HAUS7: variants seen among roughly 807,000 people sequenced by gnomAD.
HAUS7 encodes the protein HAUS augmin-like complex subunit 7.
A neutral mutation model predicts 28.4 loss-of-function variants in HAUS7; 3 were observed. The observed-to-expected ratio is 0.11, with a 90% CI of 0.05 to 0.27. The LOEUF (loss-of-function observed/expected upper bound fraction) is 0.27, where lower values mean the gene tolerates loss of function less well. HAUS7 is among the 10% of genes least tolerant of loss of function. HAUS7 has a pLI of 1.00. For synonymous variants in HAUS7, 165 were observed against 132.1 expected, an observed-to-expected ratio of 1.25 and a Z score of -1.71; for missense variants, 284 against 297.3, an observed-to-expected ratio of 0.96 and a Z score of 0.33.
Position 153,449,944 on chromosome X carries a change from T to C in HAUS7, c.1046-2035A>G, listed in dbSNP as rs140259187. Among the ~76,000 whole-genome samples the C allele has an allele frequency of 8.0e-4, 90 of 112,478 alleles. No individual in the cohort carries two copies. In the East Asian group the frequency reaches 0.024, roughly 30 times the overall value. ...CTGGGTTTTCACAGCTGTCCAAGCATGTCTGGATGTCGCACTGAGTGTATT... is the reference window on the plus strand; with the variant it reads ...CTGGGTTTTCACAGCTGTCCAAGCACGTCTGGATGTCGCACTGAGTGTATT... On this transcript the variant is annotated intron_variant, in intron 9 of 9. Coordinates refer to ENST00000370211, the MANE Select transcript of HAUS7 (RefSeq NM_001385482.1).
intron 1 of HAUS7, among the ~76,000 whole-genome samples, chrX:153,489,689 CT>C (rs1556989246): frequency 2.7e-5 from 3 of 112,469 alleles, no homozygotes; most frequent in Non-Finnish European, 1.9e-5. Context: ...GGGCCTGTGT[CT>C]CCGGCCTGAG....
At chrX:153,458,432 C>A (rs1431368541) in intron 4 of HAUS7, among the ~76,000 whole-genome samples, 3 of 113,111 alleles carry the variant, frequency 2.7e-5, no homozygotes, top group African/African-American at 9.6e-5. Flanking sequence ...GAGGATCACG[C>A]GTGTCCCAGC....
chrX:153,458,634 C>T (rs781846376), intron 4 of HAUS7, among the ~76,000 whole-genome samples: 40 of 112,140 alleles, frequency 3.6e-4, no homozygotes, highest in African/African-American at 1.3e-3. Context: ...TGCTGGGTCA[C>T]GGGGTAACTG....
chrX:153,462,186 G>A, intron 4 of HAUS7: 2 of 1,022,829 alleles, frequency 2.0e-6, no homozygotes, highest in South Asian at 5.8e-5. Context: ...GAAACGAGAA[G>A]GTGGGTGCTG....
intron 9 of HAUS7, among the ~76,000 whole-genome samples, chrX:153,449,526 T>C (rs1255577606): frequency 2.7e-5 from 3 of 112,341 alleles, no homozygotes; most frequent in Admixed American, 9.3e-5. Context: ...CATCCCGGCC[T>C]TCCTGCTCTG....
chrX:153,447,773 G>T lies in HAUS7; in HGVS notation c.*105C>A. ...CTAGAGCACAACGTGGGGCTGCAAC[G>T]GCTTCTGCTGCCACAATCATCCATC... On this transcript the variant is annotated 3_prime_UTR_variant, in exon 10 of 10. Transcript: ENST00000370211. The T allele has an allele frequency of 1.5e-6, 1 of 682,126 alleles. No individual in the cohort carries two copies. The highest frequency in any genetic ancestry group is 2.4e-6 in the Non-Finnish European group (1 of 410,535). The allele number at this position is 682,126 out of a possible 1,213,427, so 56.2% of individuals were successfully genotyped here. A position where few individuals can be genotyped will look rare whatever the true frequency, so the allele number is the denominator to read the frequency against.
At chrX:153,474,498 C>G (rs2089549053), upstream of HAUS7, among the ~76,000 whole-genome samples, 2 of 112,071 alleles carry the variant, frequency 1.8e-5, no homozygotes, top group South Asian at 7.3e-4. Flanking sequence ...GGCCTGCGAC[C>G]TAGGGCGACC....
At chrX:153,450,091 C>T (rs1170495508) in intron 9 of HAUS7, among the ~76,000 whole-genome samples, 1 of 112,064 alleles carries the variant, frequency 8.9e-6, no homozygotes, top group Non-Finnish European at 1.9e-5. Flanking sequence ...GCTGCCACTG[C>T]CCCTGGTCTG....
chrX:153,494,710 G>A (rs1556990277), intron 1 of HAUS7, among the ~76,000 whole-genome samples: 1 of 93,267 alleles, frequency 1.1e-5, no homozygotes, highest in African/African-American at 4.1e-5. Context: ...GAGTGTGTCC[G>A]TTCCTTTGCT....
At chrX:153,471,246 T>C, upstream of HAUS7, 1 of 239,031 alleles carries the variant, frequency 4.2e-6, no homozygotes, top group South Asian at 4.4e-5. Context: ...ATGGAGCTAA[T>C]GAGAGCACCT....
upstream of HAUS7, chrX:153,470,927 G>A: frequency 2.9e-6 from 1 of 342,119 alleles, no homozygotes; most frequent in Middle Eastern, 5.0e-4. Context: ...AGGCCTTGCT[G>A]GCGTCGCCCC....
chrX:153,456,744 C>T (rs1280986306), intron 5 of HAUS7, 93 bp from the exon 6 acceptor site: 3 of 692,198 alleles, frequency 4.3e-6, no homozygotes, highest in South Asian at 2.5e-5. Flanking sequence ...AGAAGCACAT[C>T]GGGGCCAGGC....
At position 153,470,017 on chromosome X, in the gene HAUS7, G is replaced by GCTTC. The variant is rs782343218; in HGVS notation, c.108+429_108+432dup. ...GCTCTGTCCTGTGGGGCTGTAGAGGGCTTCTGGAGGCTATCACCCCTGGCA... is the reference window on the plus strand; with the variant it reads ...GCTCTGTCCTGTGGGGCTGTAGAGGGCTTCCTTCTGGAGGCTATCACCCCTGGCA... On this transcript the variant is annotated intron_variant, in intron 1 of 9. Coordinates refer to ENST00000370211, the MANE Select transcript of HAUS7 (RefSeq NM_001385482.1). Among the ~76,000 whole-genome samples, 14 of 111,539 alleles carry GCTTC rather than the reference G, an allele frequency of 1.3e-4. 1 individual carries two copies. Among genetic ancestry groups the GCTTC allele is most frequent in the Admixed American group, 9.4e-4 (10 of 10,606 alleles).
chrX:153,475,284 C>T (rs1225316566), upstream of HAUS7, among the ~76,000 whole-genome samples: 4 of 112,060 alleles, frequency 3.6e-5, no homozygotes, highest in African/African-American at 1.3e-4. Flanking sequence ...CTGCTGCGTG[C>T]CACCCTCTGC....
intron 2 of HAUS7, among the ~76,000 whole-genome samples, chrX:153,465,626 G>A (rs913448176): frequency 6.2e-5 from 7 of 112,774 alleles, no homozygotes; most frequent in Non-Finnish European, 1.1e-4. Flanking sequence ...GCCCTTGACT[G>A]CAGCACACAG....
chrX:153,486,101 G>C (rs1481731661), intron 1 of HAUS7: 2 of 937,579 alleles, frequency 2.1e-6, no homozygotes, highest in East Asian at 1.6e-4. Flanking sequence ...GATCAGGTAG[G>C]GCCCCCCTCC....
At chrX:153,455,481 G>T in intron 8 of HAUS7, 61 bp downstream of exon 8, 1 of 769,238 alleles carries the variant, frequency 1.3e-6, no homozygotes, top group Non-Finnish European at 2.0e-6. Flanking sequence ...CAGGATATAA[G>T]CTCTCAGTCT....
At chrX:153,470,736 G>A, upstream of HAUS7, 2 of 635,371 alleles carry the variant, frequency 3.1e-6, no homozygotes, top group Non-Finnish European at 4.7e-6. Context: ...CCCCGCCCCG[G>A]CACCACCCAG....
intron 9 of HAUS7, among the ~76,000 whole-genome samples, chrX:153,452,494 C>A (rs2089251637): frequency 8.9e-6 from 1 of 112,216 alleles, no homozygotes; most frequent in Admixed American, 9.4e-5. Flanking sequence ...CTAAGGACAA[C>A]CACTTAAAAA....
Sources: allele counts gnomAD v4.1 joint callset (sites outside exome capture counted in the v4.1 genomes callset), GRCh38; gene constraint gnomAD v4.1.1; transcripts MANE v1.5; gene names NCBI Gene and HGNC (gene_info 2026-07-23, HGNC 2026-07-21).